ASIC2: variants seen among roughly 807,000 people sequenced by gnomAD.
ASIC2 encodes acid-sensing ion channel 2.
Under a neutral mutation model 57.3 loss-of-function variants are expected in ASIC2, and 25 were observed. That is an observed-to-expected ratio of 0.44 (90% confidence interval 0.32 to 0.61). ASIC2 has a LOEUF of 0.61. Among genes scored for constraint, ASIC2 ranks in the 20% least tolerant of loss-of-function variants. ASIC2 has a pLI of 0.06. For synonymous variants in ASIC2, 319 were observed against 307.5 expected (o/e 1.04, Z -0.39); for missense variants, 641 against 738.1 (o/e 0.87, Z 1.52).
intron 1 of ASIC2, chr17:34,038,223 G>A (rs1404453401): frequency 1.9e-6 from 3 of 1,611,872 alleles, no homozygotes; most frequent in East Asian, 2.2e-5. Flanking sequence ...TTCACAATCT[G>A]CATGATAATG....
Position 33,147,154 on chromosome 17 carries a change from C to T in ASIC2, c.709-35087G>A, listed in dbSNP as rs532161127. On this transcript the variant is annotated intron_variant, in intron 1 of 9. Coordinates refer to ENST00000225823, the MANE Select transcript of ASIC2 (RefSeq NM_183377.2). ...AAGAATAGGGTAGATGGCAGGAGTG[C>T]TATTATTTTTATCATTGTAGAAACC... Among the ~76,000 whole-genome samples, 118 of 152,230 alleles carry T rather than the reference C, an allele frequency of 7.8e-4. 1 individual carries two copies. The highest frequency in any genetic ancestry group is 2.5e-3 in the African/African-American group (104 of 41,542).
intron 1 of ASIC2, chr17:34,041,511 A>C (rs1246102579): frequency 6.6e-6 from 1 of 152,228 alleles, no homozygotes; most frequent in Non-Finnish European, 1.5e-5. Flanking sequence ...ACCTCCCCTT[A>C]TTATAAGCTC....
At chr17:33,191,722 G>A (rs1382782145) in intron 1 of ASIC2, among the ~76,000 whole-genome samples, 1 of 152,118 alleles carries the variant, frequency 6.6e-6, no homozygotes, top group African/African-American at 2.4e-5. Flanking sequence ...TGCCCCATGT[G>A]ATTACAGGGT....
At chr17:33,459,180 G>T (rs1446765079) in intron 1 of ASIC2, among the ~76,000 whole-genome samples, 1 of 151,928 alleles carries the variant, frequency 6.6e-6, no homozygotes, top group East Asian at 1.9e-4. Context: ...TGCTAAGTCT[G>T]TTGCCTGCTT....
chr17:33,616,283 A>G (rs1905601684), intron 1 of ASIC2, among the ~76,000 whole-genome samples: 1 of 152,122 alleles, frequency 6.6e-6, no homozygotes, highest in Admixed American at 6.5e-5. Context: ...GGATGCAGGT[A>G]CCAGCCATGT....
intron 1 of ASIC2, among the ~76,000 whole-genome samples, chr17:34,014,440 A>C (rs1444548779): frequency 1.3e-5 from 2 of 152,184 alleles, no homozygotes; most frequent in African/African-American, 4.8e-5. Flanking sequence ...AGCTCGAGAC[A>C]TTGGCTATGC....
chr17:33,865,390 G>A (rs1914205454), intron 1 of ASIC2, among the ~76,000 whole-genome samples: 2 of 152,156 alleles, frequency 1.3e-5, no homozygotes, highest in South Asian at 2.1e-4. Context: ...AGTAATAGAT[G>A]TTGTTAAAAA....
chr17:33,883,239 TATA>T (rs1040069034), intron 1 of ASIC2, among the ~76,000 whole-genome samples: 16 of 152,064 alleles, frequency 1.1e-4, no homozygotes, highest in Non-Finnish European at 1.6e-4. Flanking sequence ...AAACTTAAAG[TATA>T]ATAATAATAT....
At chr17:33,409,499 G>C (rs1212903064) in intron 1 of ASIC2, among the ~76,000 whole-genome samples, 3 of 152,212 alleles carry the variant, frequency 2.0e-5, no homozygotes, top group Non-Finnish European at 4.4e-5. Flanking sequence ...GCCAGAACTG[G>C]AGAGAATGAT....
chr17:33,988,949 T>A (rs9912758), intron 1 of ASIC2, among the ~76,000 whole-genome samples: 36,536 of 151,920 alleles, frequency 0.24, 5,091 homozygotes, highest in African/African-American at 0.38. Context: ...CCCAAATTGT[T>A]CCCTTGCCTG....
chr17:33,901,896 A>G (rs1915239435), intron 1 of ASIC2, among the ~76,000 whole-genome samples: 1 of 152,186 alleles, frequency 6.6e-6, no homozygotes, highest in Non-Finnish European at 1.5e-5. Flanking sequence ...TGACAATGAT[A>G]TTGCGACTAT....
At chr17:33,077,889 C>T (rs908011856) in intron 3 of ASIC2, among the ~76,000 whole-genome samples, 30 of 152,172 alleles carry the variant, frequency 2.0e-4, no homozygotes, top group African/African-American at 6.7e-4. Flanking sequence ...TTCTAAAAGA[C>T]GTGTTGGTGA....
At chr17:33,036,607 C>CT (rs34411330) in intron 3 of ASIC2, among the ~76,000 whole-genome samples, 2 of 150,900 alleles carry the variant, frequency 1.3e-5, no homozygotes, top group South Asian at 4.2e-4. Context: ...ATTTTTTGAA[C>CT]TTTTTTTTTT....
At chr17:33,606,026 T>A (rs1830538586) in intron 1 of ASIC2, among the ~76,000 whole-genome samples, 1 of 152,202 alleles carries the variant, frequency 6.6e-6, no homozygotes, top group African/African-American at 2.4e-5. Flanking sequence ...TCTGCTTTAA[T>A]CCATATTTTT....
chr17:33,079,950 T>G (rs1275082974), intron 3 of ASIC2, among the ~76,000 whole-genome samples: 1 of 151,996 alleles, frequency 6.6e-6, no homozygotes, highest in Non-Finnish European at 1.5e-5. Flanking sequence ...GGGGTGCAGG[T>G]GTGGGGACAG....
In ASIC2 at chr17:34,072,907, C is replaced by T. The variant is rs185435231; in HGVS notation, c.555+83071G>A. On this transcript the variant is annotated intron_variant, in intron 1 of 9. Coordinates refer to the ASIC2 transcript ENST00000359872. Reference sequence around the variant, plus strand: ...GATAATTTAAGAAATGTTTTTTTAACTGTGCGTGCCCTGGTACTAAATTTT... The same window carrying T: ...GATAATTTAAGAAATGTTTTTTTAATTGTGCGTGCCCTGGTACTAAATTTT... Among the ~76,000 whole-genome samples the T allele has an allele frequency of 2.3e-4, 35 of 152,230 alleles. No individual in the cohort carries two copies. In the East Asian group the frequency reaches 4.3e-3, roughly 19 times the overall value.
intron 3 of ASIC2, among the ~76,000 whole-genome samples, chr17:33,031,735 T>C (rs1204972508): frequency 6.6e-6 from 1 of 152,214 alleles, no homozygotes; most frequent in Non-Finnish European, 1.5e-5. Context: ...TGTCTGTTTC[T>C]CCCTTTAGTT....
intron 1 of ASIC2, among the ~76,000 whole-genome samples, chr17:33,668,337 G>T (rs1248095847): frequency 9.1e-6 from 1 of 110,228 alleles, no homozygotes; most frequent in East Asian, 2.9e-4. Context: ...ACAACTTATT[G>T]GTGCCAAGAA....
At chr17:33,887,095 G>A (rs949357016) in intron 1 of ASIC2, among the ~76,000 whole-genome samples, 6 of 152,176 alleles carry the variant, frequency 3.9e-5, no homozygotes, top group Non-Finnish European at 8.8e-5. Flanking sequence ...CATAAAACCT[G>A]TTCCTAGTAC....
Sources: gnomAD v4.1 joint callset for allele counts (sites outside exome capture counted in the v4.1 genomes callset) on GRCh38, gnomAD v4.1.1 for gene constraint, MANE v1.5 for transcripts, NCBI Gene and HGNC (gene_info 2026-07-23, HGNC 2026-07-21) for gene names.